TNRC6B: variants seen among roughly 807,000 people sequenced by gnomAD.
TNRC6B encodes the protein trinucleotide repeat-containing gene 6B protein.
A neutral mutation model predicts 203.6 loss-of-function variants in TNRC6B; 52 were observed. That is an observed-to-expected ratio of 0.26 (90% CI 0.20 to 0.32). The LOEUF (loss-of-function observed/expected upper bound fraction) is 0.32. Among genes scored for constraint, TNRC6B ranks in the 10% least tolerant of loss-of-function variants. The pLI is 1.00. For synonymous variants in TNRC6B, 838 were observed against 845.7 expected, an observed-to-expected ratio of 0.99 and a Z score of 0.16; for missense variants, 1,923 against 2,286.2, an observed-to-expected ratio of 0.84 and a Z score of 3.24.
At chr22:40,223,371 C>G (rs2069742027) in intron 1 of TNRC6B, among the ~76,000 whole-genome samples, 1 of 151,750 alleles carries the variant, frequency 6.6e-6, no homozygotes, top group Non-Finnish European at 1.5e-5. Context: ...GAACTCTTGA[C>G]CTCGTGATCC....
At chr22:40,168,214 A>C (rs1369109951) in intron 4 of TNRC6B, among the ~76,000 whole-genome samples, 1 of 152,228 alleles carries the variant, frequency 6.6e-6, no homozygotes, top group Non-Finnish European at 1.5e-5. Flanking sequence ...ACCTAGGTTC[A>C]TAGTATTCAT....
chr22:40,156,395 C>T (rs1442088748), intron 4 of TNRC6B, among the ~76,000 whole-genome samples: 1 of 152,168 alleles, frequency 6.6e-6, no homozygotes, highest in African/African-American at 2.4e-5. Context: ...TCACACTCGC[C>T]TAATCAAAAT....
At chr22:40,094,267 A>G (rs1281706619) in intron 1 of TNRC6B, among the ~76,000 whole-genome samples, 1 of 152,152 alleles carries the variant, frequency 6.6e-6, no homozygotes, top group Non-Finnish European at 1.5e-5. Context: ...AGATGCCATC[A>G]TTCCTAAGAC....
chr22:40,319,254 C>G (rs1194180299), intron 21 of TNRC6B, among the ~76,000 whole-genome samples: 5 of 150,976 alleles, frequency 3.3e-5, no homozygotes, highest in Admixed American at 2.6e-4. Context: ...GAGTGAGACC[C>G]CCCCCATCTC....
At chr22:40,173,069 T>C (rs1276629380), upstream of TNRC6B, among the ~76,000 whole-genome samples, 1 of 152,224 alleles carries the variant, frequency 6.6e-6, no homozygotes, top group Non-Finnish European at 1.5e-5. Flanking sequence ...TTTGACAGAA[T>C]TATCTACATT....
intron 3 of TNRC6B, among the ~76,000 whole-genome samples, chr22:40,131,122 G>A (rs910052550): frequency 1.3e-5 from 2 of 151,916 alleles, no homozygotes; most frequent in African/African-American, 4.8e-5. Context: ...GGGTTTCAGC[G>A]TGTTAGCCAG....
intron 21 of TNRC6B, among the ~76,000 whole-genome samples, chr22:40,317,205 A>G (rs890252935): frequency 6.6e-6 from 1 of 152,226 alleles, no homozygotes; most frequent in Non-Finnish European, 1.5e-5. Context: ...CTCTTAAAAC[A>G]TATTAACCAT....
chr22:40,320,587 C>T (rs928589084), intron 21 of TNRC6B, among the ~76,000 whole-genome samples: 2 of 152,202 alleles, frequency 1.3e-5, no homozygotes, highest in Admixed American at 6.5e-5. Flanking sequence ...CGCTGAAGAT[C>T]TTAAGTGGTG....
At chr22:40,220,114 G>T (rs1056062478) in intron 1 of TNRC6B, among the ~76,000 whole-genome samples, 1 of 152,196 alleles carries the variant, frequency 6.6e-6, no homozygotes, top group Admixed American at 6.5e-5. Flanking sequence ...GTAGGTGGGG[G>T]TGGAGCTTCT....
intron 3 of TNRC6B, among the ~76,000 whole-genome samples, chr22:40,148,431 C>G (rs980693223): frequency 4.6e-5 from 7 of 151,906 alleles, no homozygotes; most frequent in African/African-American, 1.5e-4. Context: ...TTACAGGCGC[C>G]TGCCACCACG....
intron 3 of TNRC6B, among the ~76,000 whole-genome samples, chr22:40,259,288 G>A (rs547280003): frequency 3.3e-5 from 5 of 151,930 alleles, no homozygotes; most frequent in African/African-American, 4.8e-5. Flanking sequence ...GCAGTGGCAC[G>A]ATCTCGGCTC....
intron 1 of TNRC6B, among the ~76,000 whole-genome samples, chr22:40,065,440 TG>T (rs1176480451): frequency 1.3e-5 from 2 of 151,828 alleles, no homozygotes; most frequent in Non-Finnish European, 2.9e-5. Flanking sequence ...CTCCTGGCAC[TG>T]GGGTTTGCTT....
chr22:40,305,048 T>C (rs962973639), intron 15 of TNRC6B, among the ~76,000 whole-genome samples: 1 of 152,174 alleles, frequency 6.6e-6, no homozygotes, highest in Non-Finnish European at 1.5e-5. Context: ...AGGATCAGTG[T>C]AAGGACAAGT....
At chr22:40,057,646 C>T (rs76979662) in intron 1 of TNRC6B, among the ~76,000 whole-genome samples, 2 of 152,030 alleles carry the variant, frequency 1.3e-5, no homozygotes, top group African/African-American at 2.4e-5. Context: ...ATACATATCT[C>T]GAGCCTCAAA....
chr22:40,311,411 T>C (rs2071178631), intron 17 of TNRC6B, among the ~76,000 whole-genome samples: 1 of 152,200 alleles, frequency 6.6e-6, no homozygotes, highest in Admixed American at 6.5e-5. Context: ...ATTCTCATGA[T>C]AGAAAAATGA....
intron 1 of TNRC6B, among the ~76,000 whole-genome samples, chr22:40,049,860 T>C (rs1601783619): frequency 6.6e-6 from 1 of 152,250 alleles, no homozygotes; most frequent in East Asian, 1.9e-4. Context: ...CACCTCAGCC[T>C]CCCAAAGTGC....
intron 1 of TNRC6B, among the ~76,000 whole-genome samples, chr22:40,075,562 G>A (rs1325399109): frequency 6.6e-6 from 1 of 151,774 alleles, no homozygotes; most frequent in Non-Finnish European, 1.5e-5. Flanking sequence ...GATTTTTAAA[G>A]TCCAATCTTA....
chr22:40,079,629 T>C (rs1434373940), intron 1 of TNRC6B, among the ~76,000 whole-genome samples: 1 of 147,528 alleles, frequency 6.8e-6, no homozygotes, highest in Non-Finnish European at 1.5e-5. Flanking sequence ...TTTTGGGTTA[T>C]TTTTTTTGAG....
intron 7 of TNRC6B, among the ~76,000 whole-genome samples, chr22:40,274,071 A>T (rs757000758): frequency 2.0e-5 from 3 of 152,224 alleles, no homozygotes; most frequent in African/African-American, 7.2e-5. Context: ...TTGCTTTCCC[A>T]TGACCTTGAA....
Sources: gnomAD v4.1 joint callset for allele counts (sites outside exome capture counted in the v4.1 genomes callset) on GRCh38, gnomAD v4.1.1 for gene constraint, MANE v1.5 for transcripts, NCBI Gene and HGNC (gene_info 2026-07-23, HGNC 2026-07-21) for gene names.